KDM2B: variants seen among roughly 807,000 people sequenced by gnomAD.
KDM2B encodes the protein lysine-specific demethylase 2B.
Under a neutral mutation model 150.0 loss-of-function variants are expected in KDM2B, and 26 were observed. That is an observed-to-expected ratio of 0.17 (90% confidence interval 0.13 to 0.24). KDM2B has a LOEUF of 0.24. Ranked by LOEUF, KDM2B falls within the 10% of genes least tolerant of loss-of-function variation. KDM2B has a pLI of 1.00. For synonymous variants in KDM2B, 734 were observed against 729.5 expected (o/e 1.01, Z -0.10); for missense variants, 1,265 against 1,816.9 (o/e 0.70, Z 5.52).
chr12:121,423,793 C>A, the KDM2B span: 2 of 523,844 alleles, frequency 3.8e-6, no homozygotes, highest in East Asian at 6.5e-5. The surrounding 1 kb of genome is among the most constrained non-coding windows in gnomAD (Gnocchi z 4.3). Flanking sequence ...CCGGGCTCAG[C>A]TGGGCTTTAT....
chr12:121,439,250 C>G (rs1441804934), intron 22 of KDM2B, among the ~76,000 whole-genome samples: 1 of 152,122 alleles, frequency 6.6e-6, no homozygotes, highest in Non-Finnish European at 1.5e-5. Flanking sequence ...TGTCAGGCAC[C>G]GGCTCTTCTG....
chr12:121,444,187 T>A lies in KDM2B; in HGVS notation c.2276A>T (p.Glu759Val). Residue 759 changes from glutamate to valine, a missense_variant, in exon 16 of 23, where the codon GAA becomes GTA. Transcript: ENST00000377071. ...KEQKMNRDNK[E>V]GQEPAKRRSE... ...CCTCCGCTTGGCAGGTTCCTGCCCT[T>A]CCTTGTTGTCCCGGTTCATCTTCTG... is the stretch of plus-strand genomic sequence containing the variant. 1 of 1,612,928 alleles carries A rather than the reference T, an allele frequency of 6.2e-7. No homozygotes were observed. Among genetic ancestry groups the A allele is most frequent in the Non-Finnish European group, 8.5e-7 (1 of 1,180,036 alleles).
chr12:121,451,979 T>C (rs1483606271), intron 13 of KDM2B, among the ~76,000 whole-genome samples: 1 of 151,532 alleles, frequency 6.6e-6, no homozygotes, highest in Non-Finnish European at 1.5e-5. Flanking sequence ...AAAAAGGAAA[T>C]TGTCATATGC....
At position 121,518,553 on chromosome 12, in the gene KDM2B, G is replaced by A. The variant is rs1042385451; in HGVS notation, c.1047+2432C>T. 3.9e-5 allele frequency among the ~76,000 whole-genome samples: 6 copies of A among 152,182 alleles called. No individual in the cohort carries two copies. The highest frequency in any genetic ancestry group is 1.3e-4 in the Admixed American group (2 of 15,274). ...GACCTGCCATTCTCAACGAGGACGT[G>A]ATATTCCACGTAAGCTCAGTGTGAT... On this transcript the variant is annotated intron_variant, in intron 9 of 22. Coordinates refer to ENST00000377071, the MANE Select transcript of KDM2B (RefSeq NM_032590.5). The surrounding 1 kb of genome is among the most constrained non-coding windows in gnomAD (Gnocchi z 4.4).
At chr12:121,558,763 G>A (rs1890103730) in intron 4 of KDM2B, among the ~76,000 whole-genome samples, 1 of 151,782 alleles carries the variant, frequency 6.6e-6, no homozygotes, top group South Asian at 2.1e-4. Context: ...CCTAATTTTT[G>A]TATTTTTAGT....
At chr12:121,538,822 C>A (rs1302967010) in intron 6 of KDM2B, among the ~76,000 whole-genome samples, 3 of 152,108 alleles carry the variant, frequency 2.0e-5, no homozygotes, top group Non-Finnish European at 4.4e-5. Flanking sequence ...TCTCCCAGTC[C>A]CTCAGCTTTG....
intron 6 of KDM2B, among the ~76,000 whole-genome samples, chr12:121,540,477 A>G (rs894395967): frequency 2.2e-4 from 33 of 152,098 alleles, no homozygotes; most frequent in Admixed American, 1.6e-3. Context: ...GGCCAGGTGC[A>G]GTGGCTCACA....
intron 6 of KDM2B, among the ~76,000 whole-genome samples, chr12:121,540,343 T>G (rs1555309527): frequency 6.6e-6 from 1 of 152,160 alleles, no homozygotes; most frequent in East Asian, 1.9e-4. Context: ...GGGATGATCA[T>G]TTATAATGCC....
chr12:121,508,063 C>A (rs1555303233), intron 11 of KDM2B, among the ~76,000 whole-genome samples: 1 of 152,030 alleles, frequency 6.6e-6, no homozygotes, highest in East Asian at 1.9e-4. Flanking sequence ...CATGGAAAGA[C>A]ATTTCTTCTT....
intron 11 of KDM2B, among the ~76,000 whole-genome samples, chr12:121,508,775 A>G (rs1481471814): frequency 6.6e-6 from 1 of 152,176 alleles, no homozygotes; most frequent in Non-Finnish European, 1.5e-5. Flanking sequence ...TGCAGGTCAT[A>G]ATGAAGACTT....
intron 12 of KDM2B, among the ~76,000 whole-genome samples, chr12:121,478,018 C>G (rs1555297110): frequency 6.6e-6 from 1 of 152,048 alleles, no homozygotes; most frequent in African/African-American, 2.4e-5. Context: ...GTTGGGATTA[C>G]AGGCGTGAGC....
chr12:121,443,040 A>C lies in KDM2B; in HGVS notation c.2566-10T>G. 1 of 1,611,082 alleles carries C rather than the reference A, an allele frequency of 6.2e-7. No individual in the cohort carries two copies. The highest frequency in any genetic ancestry group is 8.5e-7 in the Non-Finnish European group (1 of 1,178,782). ...CTTTGCCAGGTTTGAGCTGTCACGAAAAAGAAAGGACGCAGAGCTTGCTCC... is the reference window on the plus strand; with the variant it reads ...CTTTGCCAGGTTTGAGCTGTCACGACAAAGAAAGGACGCAGAGCTTGCTCC... On this transcript the variant is annotated splice_polypyrimidine_tract_variant and intron_variant, in intron 17 of 22. Transcript: ENST00000377071.
chr12:121,516,920 A>C, intron 9 of KDM2B: 1 of 655,978 alleles, frequency 1.5e-6, no homozygotes, highest in East Asian at 2.7e-5. Flanking sequence ...TGGTAGGGGG[A>C]AGGGGAGAGG....
rs781951500 is a variant in KDM2B at position 121,509,753 on chromosome 12, G to A, written c.1461C>T (p.Ala487=). Residue 487 remains alanine, a synonymous_variant, in exon 11 of 23, where the codon GCC becomes GCT. Transcript: ENST00000377071. ...SEESVKSTTL[A]VDYPKTPTGS... is the part of the protein sequence containing the mutation. ...CGGTGGGGGTCTTGGGGTAGTCTAC[G>A]GCCAATGTGGTGGACTTCACACTTT... 2.9e-5 allele frequency: 47 copies of A among 1,613,980 alleles called. No homozygotes were observed. Among genetic ancestry groups the A allele is most frequent in the African/African-American group, 9.3e-5 (7 of 74,930 alleles).
chr12:121,473,661 G>A (rs1054920778), intron 12 of KDM2B, among the ~76,000 whole-genome samples: 8 of 145,746 alleles, frequency 5.5e-5, no homozygotes, highest in Non-Finnish European at 4.5e-5. Flanking sequence ...AGAGGTTGCA[G>A]TGAGACAAGA....
At chr12:121,451,789 G>A in intron 13 of KDM2B, among the ~76,000 whole-genome samples, 1 of 152,036 alleles carries the variant, frequency 6.6e-6, no homozygotes, top group East Asian at 1.9e-4. Flanking sequence ...GCAGGTGCCT[G>A]TAATCCCAGC....
chr12:121,579,658 C>T (rs1555317560), intron 1 of KDM2B: 1 of 1,363,094 alleles, frequency 7.3e-7, no homozygotes, highest in South Asian at 1.2e-5. Flanking sequence ...CACTCACTTC[C>T]TAAGGAGACT....
In KDM2B at chr12:121,494,976, G is replaced by A. The variant is rs552695248; in HGVS notation, c.1648-311C>T. ...ACATCTAGCACTTGTCCAGAGCGTC[G>A]GGGACTCACACACAAACTTTTTCTT... On this transcript the variant is annotated intron_variant, in intron 11 of 22. Transcript: ENST00000377071. 3.3e-5 allele frequency among the ~76,000 whole-genome samples: 5 copies of A among 151,760 alleles called. No homozygotes were observed. In the South Asian group the frequency reaches 6.3e-4, roughly 19 times the overall value.
intron 10 of KDM2B, among the ~76,000 whole-genome samples, chr12:121,512,682 C>T (rs1168012941): frequency 1.3e-5 from 2 of 152,132 alleles, no homozygotes; most frequent in Non-Finnish European, 2.9e-5. Context: ...TCAGGGCGGG[C>T]GTCTGTGAGT....
Sources: gnomAD v4.1 joint callset for allele counts (sites outside exome capture counted in the v4.1 genomes callset) on GRCh38, gnomAD v4.1.1 for gene constraint, Gnocchi (gnomAD v3.1) non-coding constraint, MANE v1.5 for transcripts, NCBI Gene and HGNC (gene_info 2026-07-23, HGNC 2026-07-21) for gene names.